Variants in LRIG1 observed in about 807,000 individuals in gnomAD.
LRIG1 encodes leucine rich repeats and immunoglobulin like domains 1.
Under a neutral mutation model 99.2 loss-of-function variants are expected in LRIG1, and 48 were observed. That is an observed-to-expected ratio of 0.48 (90% CI 0.38 to 0.62). LRIG1 has a LOEUF of 0.62. Among genes scored for constraint, LRIG1 ranks in the 20% least tolerant of loss-of-function variants. The pLI, the probability that LRIG1 is intolerant of heterozygous loss-of-function variation, is 0.00. For synonymous variants in LRIG1, 772 were observed against 596.1 expected (o/e 1.29, Z -4.30); for missense variants, 1,646 against 1,434.4 (o/e 1.15, Z -2.38).
chr3:66,399,959 G>A (rs531279201), intron 9 of LRIG1, among the ~76,000 whole-genome samples: 8 of 152,298 alleles, frequency 5.3e-5, no homozygotes, highest in African/African-American at 1.9e-4. Flanking sequence ...CCCTGCCTAC[G>A]AGAGGGACCC....
Position 66,500,284 on chromosome 3 carries a change from C to A in LRIG1, c.124G>T (p.Ala42Ser). The change falls in exon 1 of 19, where the codon GCG becomes TCG. Residue 42 changes from alanine (A) to serine (S), a missense_variant. Physicochemically the swap from Ala to Ser is moderately conservative, Grantham distance 99 (BLOSUM62 1). Coordinates refer to ENST00000273261, the MANE Select transcript of LRIG1 (RefSeq NM_015541.3). ...TCCCCAGCGCAAGTGCAGGCGGCCG[C>A]GCAGGGCGCCCGCGGGCCGGCCGCG... ...TAAAGPRAPCAAACTCAGDSL... is the reference protein window; with the variant it reads ...TAAAGPRAPCSAACTCAGDSL... The A allele has an allele frequency of 6.8e-7, 1 of 1,480,856 alleles. No individual in the cohort carries two copies. The allele number at this position is 1,480,856 out of a possible 1,614,324, so 91.7% of individuals were successfully genotyped here.
chr3:66,498,634 C>T (rs7614255), intron 1 of LRIG1, among the ~76,000 whole-genome samples: 5,290 of 152,088 alleles, frequency 0.035, 308 homozygotes, highest in African/African-American at 0.12. Context: ...AAGAGACTAC[C>T]TAAGGACAAT....
chr3:66,440,986 A>T (rs1173388010), intron 3 of LRIG1, among the ~76,000 whole-genome samples: 1 of 152,248 alleles, frequency 6.6e-6, no homozygotes, highest in Non-Finnish European at 1.5e-5. Flanking sequence ...AGGTGAAGAG[A>T]TCCATTTGTA....
At chr3:66,497,104 T>C (rs554650246) in intron 1 of LRIG1, among the ~76,000 whole-genome samples, 24 of 152,366 alleles carry the variant, frequency 1.6e-4, no homozygotes, top group African/African-American at 5.5e-4. Context: ...GTATACACTT[T>C]TGTGAATATC....
At chr3:66,490,690 G>A (rs908705209) in intron 1 of LRIG1, among the ~76,000 whole-genome samples, 1 of 151,982 alleles carries the variant, frequency 6.6e-6, no homozygotes, top group Admixed American at 6.5e-5. Flanking sequence ...TTTCTAAACA[G>A]AGAACCCACT....
chr3:66,397,440 T>C (rs1338353784), intron 11 of LRIG1, among the ~76,000 whole-genome samples: 1 of 127,602 alleles, frequency 7.8e-6, no homozygotes, highest in African/African-American at 2.9e-5. Flanking sequence ...ATCAGATTCA[T>C]GTCTAGCTAA....
chr3:66,407,923 T>C (rs1345954276), intron 7 of LRIG1, among the ~76,000 whole-genome samples: 1 of 152,094 alleles, frequency 6.6e-6, no homozygotes, highest in East Asian at 1.9e-4. Flanking sequence ...CCAGTCACAC[T>C]CCCTGCATCT....
chr3:66,484,767 G>A (rs1575728545), intron 1 of LRIG1, among the ~76,000 whole-genome samples: 1 of 152,118 alleles, frequency 6.6e-6, no homozygotes, highest in East Asian at 1.9e-4. Context: ...TGGGGGCAAG[G>A]GGTTGCAAAC....
In LRIG1 at chr3:66,410,242, C is replaced by T; in HGVS notation, c.822G>A (p.Val274=). The change falls in exon 7 of 19, where the codon GTG becomes GTA. Residue 274 remains valine (V), a synonymous_variant. Coordinates refer to ENST00000273261, the MANE Select transcript of LRIG1 (RefSeq NM_015541.3). ...LHLEYNSLVE[V]NSGSLYGLTA... ...TGAGGCCGTAGAGCGAGCCGCTGTT[C>T]ACTTCTACCAGGCTGTTGTACTCCA... The T allele has an allele frequency of 6.2e-7, 1 of 1,612,770 alleles. No homozygotes were observed. The highest frequency in any genetic ancestry group is 1.3e-5 in the African/African-American group (1 of 74,994).
At chr3:66,487,808 T>A (rs767628494) in intron 1 of LRIG1, among the ~76,000 whole-genome samples, 38 of 152,206 alleles carry the variant, frequency 2.5e-4, no homozygotes, top group African/African-American at 8.9e-4. Flanking sequence ...TGGAAAAAGG[T>A]CATCTTTGGT....
intron 1 of LRIG1, among the ~76,000 whole-genome samples, chr3:66,497,071 G>A (rs773797011): frequency 6.6e-5 from 10 of 152,202 alleles, no homozygotes; most frequent in Admixed American, 5.9e-4. Flanking sequence ...TCATCTTAAT[G>A]TGGCTTAGGA....
At chr3:66,472,441 C>T (rs77279896) in intron 1 of LRIG1, among the ~76,000 whole-genome samples, 22 of 152,102 alleles carry the variant, frequency 1.4e-4, no homozygotes, top group Non-Finnish European at 2.4e-4. Flanking sequence ...AGTCACCACC[C>T]GTAAGTGATG....
At chr3:66,425,518 G>GT (rs1428904811) in intron 3 of LRIG1, among the ~76,000 whole-genome samples, 1 of 151,510 alleles carries the variant, frequency 6.6e-6, no homozygotes, top group Non-Finnish European at 1.5e-5. Context: ...GGAGGAAGGA[G>GT]TATCTTTATT....
At chr3:66,494,735 CAA>C (rs530367805) in intron 1 of LRIG1, among the ~76,000 whole-genome samples, 22 of 152,176 alleles carry the variant, frequency 1.4e-4, no homozygotes, top group African/African-American at 4.3e-4. Flanking sequence ...CCACCCCCTA[CAA>C]AAAAGAGACA....
At chr3:66,434,907 A>G (rs904010540) in intron 3 of LRIG1, among the ~76,000 whole-genome samples, 6 of 152,180 alleles carry the variant, frequency 3.9e-5, no homozygotes, top group African/African-American at 9.7e-5. Context: ...CAACTCCCAT[A>G]TGACCTGTCA....
intron 1 of LRIG1, among the ~76,000 whole-genome samples, chr3:66,484,850 T>A (rs1386647607): frequency 6.6e-6 from 1 of 151,880 alleles, no homozygotes; most frequent in African/African-American, 2.4e-5. Flanking sequence ...ACAAAAAAAA[T>A]TTAAGATAAA....
intron 3 of LRIG1, among the ~76,000 whole-genome samples, chr3:66,437,799 G>A (rs1225637266): frequency 6.6e-6 from 1 of 152,182 alleles, no homozygotes; most frequent in Non-Finnish European, 1.5e-5. Context: ...CAGTGGCAGA[G>A]GGGAACACAA....
chr3:66,402,721 T>G (rs1702107537), intron 9 of LRIG1, among the ~76,000 whole-genome samples: 1 of 152,178 alleles, frequency 6.6e-6, no homozygotes, highest in Admixed American at 6.5e-5. Flanking sequence ...ACGGATCAGC[T>G]GCTCTAGAGG....
At chr3:66,387,436 G>A (rs888933196) in intron 12 of LRIG1, 1 of 152,004 alleles carries the variant, frequency 6.6e-6, no homozygotes, top group African/African-American at 2.4e-5. Context: ...AGGAGACAGT[G>A]GTTGTGGTGA....
Sources: allele counts gnomAD v4.1 joint callset (sites outside exome capture counted in the v4.1 genomes callset), GRCh38; gene constraint gnomAD v4.1.1; transcripts MANE v1.5; gene names NCBI Gene and HGNC (gene_info 2026-07-23, HGNC 2026-07-21).